DPP3: variants seen among roughly 807,000 people sequenced by gnomAD.
The protein encoded by DPP3 is dipeptidyl peptidase 3.
DPP3 carries 64 observed loss-of-function variants against 89.8 expected under a neutral mutation model. That is an observed-to-expected ratio of 0.71 (90% CI 0.58 to 0.88). DPP3 has a LOEUF of 0.88. DPP3 is among the 40% of genes least tolerant of loss of function. The probability of loss-of-function intolerance (pLI) is 0.00; values close to 1 mark genes in which losing one functional copy is unlikely to be tolerated. For missense variants in DPP3, 835 were observed against 972.5 expected (o/e 0.86, Z 1.88); for synonymous variants, 377 against 404.3 (o/e 0.93, Z 0.81).
At chr11:66,488,105 C>G in intron 6 of DPP3, 98 bp downstream of exon 6, 1 of 1,022,620 alleles carries the variant, frequency 9.8e-7, no homozygotes, top group Non-Finnish European at 1.4e-6. Context: ...TCAGAAAGAG[C>G]ATCCTTCTCT....
chr11:66,480,478 G>C lies in DPP3; in HGVS notation c.-9+13G>C, dbSNP rs201721993. 9 of 1,484,970 alleles carry C rather than the reference G, an allele frequency of 6.1e-6. No individual in the cohort carries two copies. The highest frequency in any genetic ancestry group is 8.0e-6 in the Non-Finnish European group (9 of 1,125,596). The allele number at this position is 1,484,970 out of a possible 1,614,324, so 92.0% of individuals were successfully genotyped here. On this transcript the variant is annotated intron_variant, in intron 1 of 17. Transcript: ENST00000531863. ...GCAGCTGCTGCAGGTGAGGCGCGGC[G>C]CCTGGGCTTTTGGGGTCAAAGCGTG...
At chr11:66,497,891 TAA>T (rs566236707) in intron 16 of DPP3, among the ~76,000 whole-genome samples, 20 of 138,220 alleles carry the variant, frequency 1.4e-4, no homozygotes, top group Non-Finnish European at 1.1e-4. Flanking sequence ...ACCCTATCTC[TAA>T]AAAAAAAAAA....
intron 12 of DPP3, among the ~76,000 whole-genome samples, chr11:66,494,881 C>A (rs920249299): frequency 6.6e-6 from 1 of 152,148 alleles, no homozygotes; most frequent in Non-Finnish European, 1.5e-5. Flanking sequence ...ATTGGGGCAT[C>A]TCCCACTGGG....
chr11:66,493,251 C>A, intron 11 of DPP3, 72 bp downstream of exon 11: 2 of 1,347,102 alleles, frequency 1.5e-6, no homozygotes, highest in Non-Finnish European at 2.1e-6. Context: ...AGAGACAGCC[C>A]AGAGCAGTAG....
At chr11:66,501,115 A>G (rs1481864725) in intron 16 of DPP3, among the ~76,000 whole-genome samples, 1 of 151,370 alleles carries the variant, frequency 6.6e-6, no homozygotes, top group Non-Finnish European at 1.5e-5. Flanking sequence ...TTGAACCAGG[A>G]GGTGGAGGTT....
At chr11:66,481,613 G>T (rs1855083396) in intron 1 of DPP3, among the ~76,000 whole-genome samples, 4 of 152,040 alleles carry the variant, frequency 2.6e-5, no homozygotes, top group Admixed American at 1.3e-4. Context: ...CTGAACCTCA[G>T]TTTCCCCATC....
chr11:66,492,644 A>G, intron 9 of DPP3, 72 bp from the exon 10 acceptor site: 1 of 1,502,350 alleles, frequency 6.7e-7, no homozygotes, highest in Non-Finnish European at 8.9e-7. Context: ...TACATGCGTG[A>G]TGGCTGGAGT....
At chr11:66,492,990 C>T in intron 10 of DPP3, 77 bp from the exon 11 acceptor site, 1 of 1,604,912 alleles carries the variant, frequency 6.2e-7, no homozygotes, top group Non-Finnish European at 8.5e-7. Context: ...ACACACCCTC[C>T]ACAAACTGCT....
Position 66,480,467 on chromosome 11 carries a change from T to G in DPP3, c.-9+2T>G, listed in dbSNP as rs1343783993. On this transcript the variant is annotated splice_donor_variant, in intron 1 of 17. Coordinates refer to ENST00000531863, the MANE Select transcript of DPP3 (RefSeq NM_130443.4). LOFTEE classifies it low-confidence loss of function (5UTR_SPLICE). ...TTGCGAACGGAGCAGCTGCTGCAGG[T>G]GAGGCGCGGCGCCTGGGCTTTTGGG... 14 of 1,489,146 alleles carry G rather than the reference T, an allele frequency of 9.4e-6. No homozygotes were observed. The highest frequency in any genetic ancestry group is 1.2e-5 in the Non-Finnish European group (14 of 1,126,494). The allele number at this position is 1,489,146 out of a possible 1,614,324, so 92.2% of individuals were successfully genotyped here. A position where few individuals can be genotyped will look rare whatever the true frequency, so the allele number is the denominator to read the frequency against.
intron 6 of DPP3, among the ~76,000 whole-genome samples, chr11:66,488,932 C>G (rs1297512248): frequency 1.3e-5 from 2 of 152,208 alleles, no homozygotes; most frequent in Non-Finnish European, 2.9e-5. Flanking sequence ...GTGGTGCGAC[C>G]TTGGTTCACC....
chr11:66,495,219 C>A lies in DPP3; in HGVS notation c.1403C>A (p.Ala468Glu), dbSNP rs752067442. 1 of 1,612,416 alleles carries A rather than the reference C, an allele frequency of 6.2e-7. No individual in the cohort carries two copies. The highest frequency in any genetic ancestry group is 2.2e-5 in the East Asian group (1 of 44,872). ...TGTGTTCTGCAGGACGAAAAAGGAGCATTCAACTTTGACCAGGAAACAGTG... is the reference window on the plus strand; with the variant it reads ...TGTGTTCTGCAGGACGAAAAAGGAGAATTCAACTTTGACCAGGAAACAGTG... ...GKLFVQDEKGAFNFDQETVIN... is the reference protein window; with the variant it reads ...GKLFVQDEKGEFNFDQETVIN... The change falls in exon 13 of 18, where the codon GCA (alanine) becomes GAA (glutamate). Residue 468 changes from alanine to glutamate, a missense_variant. By Grantham distance (107) the Ala-to-Glu change is moderately radical. Coordinates refer to ENST00000531863, the MANE Select transcript of DPP3 (RefSeq NM_130443.4).
intron 17 of DPP3, among the ~76,000 whole-genome samples, chr11:66,508,267 C>T (rs898544640): frequency 1.3e-5 from 2 of 152,108 alleles, no homozygotes; most frequent in African/African-American, 4.8e-5. Flanking sequence ...TCAGAACAGC[C>T]CATTTAATAA....
chr11:66,504,710 G>A lies in DPP3; in HGVS notation c.1977G>A (p.Arg659=). ...CCCCCGAGTGCTTCCTCACCCTCAG[G>A]GACACGGTGCTGCTGCGTAAGGAAT... is the stretch of plus-strand genomic sequence containing the variant. ...DAPPECFLTL[R]DTVLLRKESR... The change falls in exon 17 of 18, where the codon AGG becomes AGA. Residue 659 remains arginine (R), a synonymous_variant. Coordinates refer to ENST00000531863, the MANE Select transcript of DPP3 (RefSeq NM_130443.4). 1 of 1,613,210 alleles carries A rather than the reference G, an allele frequency of 6.2e-7. No individual in the cohort carries two copies. Among genetic ancestry groups the A allele is most frequent in the Non-Finnish European group, 8.5e-7 (1 of 1,179,830 alleles).
At chr11:66,495,149 C>A in intron 12 of DPP3, 57 bp from the exon 13 acceptor site, 1 of 1,611,364 alleles carries the variant, frequency 6.2e-7, no homozygotes, top group South Asian at 1.1e-5. Context: ...GATTCTGGGG[C>A]TGGAGGCCTG....
rs1855451233 is a variant in DPP3, at chr11:66,493,468, G to A, written c.1297-73G>A. On this transcript the variant is annotated intron_variant, in intron 11 of 17. Coordinates refer to ENST00000531863, the MANE Select transcript of DPP3 (RefSeq NM_130443.4). Reference sequence around the variant, plus strand: ...GCACTGAGATGGGTCCATGGCCCAGGGGAGGGGAGGCCGACAGGCTGTATA... The same window carrying A: ...GCACTGAGATGGGTCCATGGCCCAGAGGAGGGGAGGCCGACAGGCTGTATA... The A allele has an allele frequency of 4.0e-6, 6 of 1,504,764 alleles. No homozygotes were observed. In the South Asian group the frequency reaches 7.1e-5, roughly 18 times the overall value. The allele number at this position is 1,504,764 out of a possible 1,614,324, so 93.2% of individuals were successfully genotyped here.
At chr11:66,489,959 T>G (rs1855332300) in intron 6 of DPP3, among the ~76,000 whole-genome samples, 1 of 152,186 alleles carries the variant, frequency 6.6e-6, no homozygotes, top group African/African-American at 2.4e-5. Context: ...TCCCTGCTGC[T>G]GAAGTCACAG....
chr11:66,488,073 TC>T, intron 6 of DPP3, 66 bp downstream of exon 6: 1 of 1,395,410 alleles, frequency 7.2e-7, no homozygotes, highest in Non-Finnish European at 9.9e-7. Context: ...GTGGCTCAGG[TC>T]CTACCAACTC....
At position 66,482,401 on chromosome 11, in the gene DPP3, C is replaced by G. The variant is rs147041684; in HGVS notation, c.201C>G (p.Phe67Leu). The change falls in exon 2 of 18, where the codon TTC (phenylalanine) becomes TTG (leucine). Residue 67 changes from phenylalanine (F) to leucine (L), a missense_variant. Physicochemically the swap from Phe to Leu is conservative, Grantham distance 22. Transcript: ENST00000531863. ...TCTATGCTCTGCTCAGCCGCCTCTT[C>G]CGCGCCCAGGACCCCGACCAGCTGC... Reference protein sequence around the residue: ...PYIYALLSRLFRAQDPDQLRQ... With the variant: ...PYIYALLSRLLRAQDPDQLRQ... 6.2e-7 allele frequency: 1 copy of G among 1,610,858 alleles called. No homozygotes were observed. Among genetic ancestry groups the G allele is most frequent in the Non-Finnish European group, 8.5e-7 (1 of 1,180,030 alleles).
intron 16 of DPP3, among the ~76,000 whole-genome samples, chr11:66,503,845 C>A (rs918031933): frequency 1.3e-5 from 2 of 152,066 alleles, no homozygotes; most frequent in Non-Finnish European, 2.9e-5. Flanking sequence ...CAAGATTGTG[C>A]CATTGCACTC....
Sources: allele counts gnomAD v4.1 joint callset (sites outside exome capture counted in the v4.1 genomes callset), GRCh38; gene constraint gnomAD v4.1.1; transcripts MANE v1.5; gene names NCBI Gene and HGNC (gene_info 2026-07-23, HGNC 2026-07-21).